Variants in SUZ12 observed in about 807,000 individuals in gnomAD.
SUZ12 encodes SUZ12 polycomb repressive complex 2 subunit.
In SUZ12, 17 loss-of-function variants were observed where a neutral mutation model predicts 87.3. The ratio of observed to expected loss-of-function variants is 0.19; its 90% CI spans 0.13 to 0.29. The LOEUF (loss-of-function observed/expected upper bound fraction) is 0.29, where lower values mean the gene tolerates loss of function less well. Ranked by LOEUF, SUZ12 falls within the 10% of genes least tolerant of loss-of-function variation. The pLI, the probability that SUZ12 is intolerant of heterozygous loss-of-function variation, is 1.00. For missense variants in SUZ12, 526 were observed against 912.2 expected, an observed-to-expected ratio of 0.58 and a Z score of 5.45; for synonymous variants, 253 against 312.4, an observed-to-expected ratio of 0.81 and a Z score of 2.01.
At chr17:31,974,596 T>C (rs1237028626) in intron 6 of SUZ12, among the ~76,000 whole-genome samples, 1 of 152,188 alleles carries the variant, frequency 6.6e-6, no homozygotes, top group African/African-American at 2.4e-5. Context: ...GATATGAATA[T>C]AAATATAGTC....
intron 4 of SUZ12, among the ~76,000 whole-genome samples, chr17:31,960,659 C>T (rs930338685): frequency 3.6e-4 from 55 of 152,108 alleles, no homozygotes; most frequent in African/African-American, 1.2e-3. Context: ...CTCACTGCAA[C>T]GTCCGCCTCC....
At chr17:31,994,062 A>T (rs544943669) in intron 12 of SUZ12, 54 bp downstream of exon 12, 1 of 1,552,648 alleles carries the variant, frequency 6.4e-7, no homozygotes, top group East Asian at 2.3e-5. Context: ...CTTGTACCCC[A>T]TAAATATATA....
chr17:31,982,547 T>C (rs952329944), intron 8 of SUZ12, among the ~76,000 whole-genome samples: 5 of 152,110 alleles, frequency 3.3e-5, no homozygotes, highest in Admixed American at 6.6e-5. Flanking sequence ...TAATCCCAGC[T>C]ACTCGGGAGG....
intron 11 of SUZ12, 114 bp from the exon 12 acceptor site, chr17:31,993,751 T>C: frequency 1.8e-6 from 2 of 1,105,174 alleles, no homozygotes; most frequent in East Asian, 2.6e-5. Flanking sequence ...AGAGAATATC[T>C]CTAATTTGAT....
At chr17:31,982,655 C>G (rs1362719928) in intron 8 of SUZ12, among the ~76,000 whole-genome samples, 2 of 150,842 alleles carry the variant, frequency 1.3e-5, no homozygotes, top group Admixed American at 6.6e-5. Flanking sequence ...GAGCAAGACT[C>G]CATCTCAAAT....
chr17:31,989,693 G>A (rs1415192266), intron 10 of SUZ12, among the ~76,000 whole-genome samples: 2 of 151,580 alleles, frequency 1.3e-5, no homozygotes, highest in Admixed American at 1.3e-4. Context: ...CTGCCTCCCT[G>A]GTTCATGCCA....
At chr17:31,950,746 T>G (rs1906918189) in intron 4 of SUZ12, among the ~76,000 whole-genome samples, 1 of 152,202 alleles carries the variant, frequency 6.6e-6, no homozygotes, top group Non-Finnish European at 1.5e-5. Flanking sequence ...AGTTAATATC[T>G]TAAATCGTAC....
rs758214094 is a variant in SUZ12, at chr17:31,998,923, GA to G, written c.2143del (p.Ile715LeufsTer29). ...AAATGGGACAGCAAATGGATTTAGTGAAATTAACTCAAAAGAGAAAGCTTTG... is the reference window on the plus strand; with the variant it reads ...AAATGGGACAGCAAATGGATTTAGTGAATTAACTCAAAAGAGAAAGCTTTG... ...EQNGTANGFS[E>X]INSKEKALET... On this transcript the variant is annotated frameshift_variant, in exon 16 of 16. Transcript: ENST00000322652. LOFTEE classifies it high-confidence loss of function. The G allele has an allele frequency of 6.2e-7, 1 of 1,612,212 alleles. No individual in the cohort carries two copies. Among genetic ancestry groups the G allele is most frequent in the East Asian group, 2.2e-5 (1 of 44,822 alleles).
intron 7 of SUZ12, 58 bp downstream of exon 7, chr17:31,975,771 A>G: frequency 2.2e-6 from 3 of 1,356,262 alleles, no homozygotes; most frequent in Non-Finnish European, 2.0e-6. Flanking sequence ...ATTGAAAATG[A>G]TTGTACCAGT....
intron 15 of SUZ12, among the ~76,000 whole-genome samples, 190 bp downstream of exon 15, chr17:31,997,067 T>C (rs1036511084): frequency 6.6e-6 from 1 of 152,180 alleles, no homozygotes; most frequent in African/African-American, 2.4e-5. Context: ...GACGTTCCTT[T>C]TGGTATTATT....
At chr17:31,941,408 C>T (rs993042354) in intron 3 of SUZ12, among the ~76,000 whole-genome samples, 15 of 152,106 alleles carry the variant, frequency 9.9e-5, no homozygotes, top group African/African-American at 2.9e-4. Flanking sequence ...AGGCGCCTGC[C>T]ACCACAGCTG....
At chr17:31,968,504 T>C (rs1265338008) in intron 5 of SUZ12, among the ~76,000 whole-genome samples, 2 of 152,212 alleles carry the variant, frequency 1.3e-5, no homozygotes, top group African/African-American at 4.8e-5. Flanking sequence ...AGTGCGGGGA[T>C]TACAGGTGTG....
At chr17:31,968,158 A>T (rs1908207455) in intron 5 of SUZ12, among the ~76,000 whole-genome samples, 1 of 152,180 alleles carries the variant, frequency 6.6e-6, no homozygotes, top group Non-Finnish European at 1.5e-5. Flanking sequence ...TGACAGAGTG[A>T]GACACTGTCT....
chr17:31,993,096 A>G, intron 10 of SUZ12, 146 bp from the exon 11 acceptor site: 1 of 534,158 alleles, frequency 1.9e-6, no homozygotes, highest in Non-Finnish European at 3.3e-6. Flanking sequence ...TCCTGCGATC[A>G]TCAGTTGAGG....
intron 4 of SUZ12, among the ~76,000 whole-genome samples, chr17:31,959,460 A>G (rs148610064): frequency 0.024 from 3,599 of 152,274 alleles, 165 homozygotes; most frequent in African/African-American, 0.082. Flanking sequence ...TCTAACCCCT[A>G]TATTTTGAGA....
intron 3 of SUZ12, among the ~76,000 whole-genome samples, chr17:31,944,771 C>A (rs1219862625): frequency 6.6e-6 from 1 of 152,026 alleles, no homozygotes; most frequent in Non-Finnish European, 1.5e-5. Flanking sequence ...CTTAACCTTA[C>A]GTAATTATGA....
Position 31,993,231 on chromosome 17 carries a change from T to G in SUZ12, c.1202-11T>G. 1 of 1,538,224 alleles carries G rather than the reference T, an allele frequency of 6.5e-7. No individual in the cohort carries two copies. Among genetic ancestry groups the G allele is most frequent in the Non-Finnish European group, 8.8e-7 (1 of 1,142,046 alleles). Reference sequence around the variant, plus strand: ...AATGTTTTTATTGAATATAAAAGTGTATGTTTTCAGCTGTTAAAGAATCAT... The same window carrying G: ...AATGTTTTTATTGAATATAAAAGTGGATGTTTTCAGCTGTTAAAGAATCAT... On this transcript the variant is annotated splice_polypyrimidine_tract_variant and intron_variant, in intron 10 of 15. Coordinates refer to ENST00000322652, the MANE Select transcript of SUZ12 (RefSeq NM_015355.4).
intron 4 of SUZ12, 90 bp downstream of exon 4, chr17:31,947,775 T>G (rs1598149822): frequency 2.2e-5 from 29 of 1,345,534 alleles, no homozygotes; most frequent in Admixed American, 5.7e-5. Context: ...CACCTTGATA[T>G]AAGGAGTTAG....
chr17:31,994,200 G>A (rs528251725), intron 12 of SUZ12, among the ~76,000 whole-genome samples, 192 bp downstream of exon 12: 13 of 152,218 alleles, frequency 8.5e-5, no homozygotes, highest in African/African-American at 2.2e-4. Context: ...ATAGATTGCC[G>A]TATATATGGA....
Sources: allele counts gnomAD v4.1 joint callset (sites outside exome capture counted in the v4.1 genomes callset), GRCh38; gene constraint gnomAD v4.1.1; transcripts MANE v1.5; gene names NCBI Gene and HGNC (gene_info 2026-07-23, HGNC 2026-07-21).